Variants in PXDNL observed in about 807,000 individuals in gnomAD.
The protein encoded by PXDNL is peroxidasin like, also known as probable oxidoreductase PXDNL.
Under a neutral mutation model 150.8 loss-of-function variants are expected in PXDNL, and 145 were observed. That is an observed-to-expected ratio of 0.96 (90% CI 0.84 to 1.10). The LOEUF (loss-of-function observed/expected upper bound fraction) is 1.10, where lower values mean the gene tolerates loss of function less well. PXDNL is among the 50% of genes least tolerant of loss of function. The pLI, the probability that PXDNL is intolerant of heterozygous loss-of-function variation, is 0.00. For missense variants in PXDNL, 2,087 were observed against 1,873.9 expected (o/e 1.11, Z -2.10); for synonymous variants, 757 against 725.7 (o/e 1.04, Z -0.69).
At chr8:51,599,032 C>T (rs551565259) in intron 2 of PXDNL, among the ~76,000 whole-genome samples, 6 of 152,164 alleles carry the variant, frequency 3.9e-5, no homozygotes, top group African/African-American at 1.4e-4. Context: ...TAGAGGTGTT[C>T]ATAACAGTCT....
chr8:51,348,997 T>C (rs1458643068), intron 19 of PXDNL, among the ~76,000 whole-genome samples: 1 of 152,168 alleles, frequency 6.6e-6, no homozygotes, highest in Non-Finnish European at 1.5e-5. Context: ...ATGAGTCTAG[T>C]GTGGAAAGTA....
At chr8:51,501,271 C>T (rs1811170107) in intron 4 of PXDNL, among the ~76,000 whole-genome samples, 1 of 152,080 alleles carries the variant, frequency 6.6e-6, no homozygotes, top group Admixed American at 6.6e-5. Flanking sequence ...GAATTATACA[C>T]ACACTCACAC....
At position 51,496,966 on chromosome 8, in the gene PXDNL, CG is replaced by C. The variant is rs1012062080; in HGVS notation, c.452+2732del. ...GTTCATATAGAACCAAAAAAGAGCC[CG>C]GATTGCCAAGTCAATCCTAAGCCAA... On this transcript the variant is annotated intron_variant, in intron 5 of 22. Transcript: ENST00000356297. 4.6e-5 allele frequency among the ~76,000 whole-genome samples: 7 copies of C among 152,182 alleles called. No homozygotes were observed. The East Asian group carries it at 5.8e-4, about 13-fold the overall frequency.
Position 51,457,487 on chromosome 8 carries a change from A to G in PXDNL, c.982+11T>C, listed in dbSNP as rs767633106. 2 of 1,597,116 alleles carry G rather than the reference A, an allele frequency of 1.3e-6. No individual in the cohort carries two copies. Among genetic ancestry groups the G allele is most frequent in the East Asian group, 4.5e-5 (2 of 44,560 alleles). On this transcript the variant is annotated intron_variant, in intron 9 of 22. Coordinates refer to ENST00000356297, the MANE Select transcript of PXDNL (RefSeq NM_144651.5). ...CAGATAATTGATAGAACTAGAAAAT[A>G]ATAGTTTTACCTGGAAGACTGGAGT... is the stretch of plus-strand genomic sequence containing the variant.
rs201988739 is a variant in PXDNL at position 51,411,790 on chromosome 8, TTC to T, written c.1905-385_1905-384del. Among the ~76,000 whole-genome samples, 1,107 of 152,234 alleles carry T rather than the reference TTC, an allele frequency of 7.3e-3. 17 individuals are homozygous for T. Among genetic ancestry groups the T allele is most frequent in the Middle Eastern group, 0.01 (3 of 294 alleles). On this transcript the variant is annotated intron_variant, in intron 15 of 22. Transcript: ENST00000356297. ...TCTGCAGGACTTGGCATTTTGTGTCTTCTCTTTCCCTGAGTGTAATCTCCTAG... is the reference window on the plus strand; with the variant it reads ...TCTGCAGGACTTGGCATTTTGTGTCTTCTTTCCCTGAGTGTAATCTCCTAG...
intron 17 of PXDNL, among the ~76,000 whole-genome samples, chr8:51,376,727 T>C (rs573715756): frequency 4.5e-4 from 60 of 134,506 alleles, no homozygotes; most frequent in Non-Finnish European, 6.1e-4. Context: ...CTCTCTCTCT[T>C]TTTTTTTTTT....
At chr8:51,643,572 C>T (rs969640528) in intron 2 of PXDNL, among the ~76,000 whole-genome samples, 3 of 152,168 alleles carry the variant, frequency 2.0e-5, no homozygotes, top group Non-Finnish European at 2.9e-5. Context: ...AAATGTTAGA[C>T]CTAAAACCAT....
intron 3 of PXDNL, among the ~76,000 whole-genome samples, chr8:51,579,014 AAGTT>A (rs1181997853): frequency 6.6e-6 from 1 of 152,048 alleles, no homozygotes; most frequent in Non-Finnish European, 1.5e-5. Context: ...TTAAGAAAAA[AAGTT>A]AGGAGAAAAT....
intron 19 of PXDNL, among the ~76,000 whole-genome samples, chr8:51,369,497 C>T (rs557337484): frequency 2.1e-4 from 32 of 152,258 alleles, no homozygotes; most frequent in African/African-American, 7.7e-4. Flanking sequence ...AAAATCCACG[C>T]TTGTTAGTCA....
In PXDNL at chr8:51,381,446, A is replaced by C. The variant is rs368629431; in HGVS notation, c.3558-6715T>G. 4.0e-4 allele frequency among the ~76,000 whole-genome samples: 61 copies of C among 152,238 alleles called. 1 individual carries two copies. In the South Asian group the frequency reaches 4.1e-3, roughly 10 times the overall value. ...CAATATTTTGTTAGGTAAGAACTAA[A>C]TTTTAATTATTGCTATGAGTTGAGT... is the stretch of plus-strand genomic sequence containing the variant. On this transcript the variant is annotated intron_variant, in intron 17 of 22. Coordinates refer to ENST00000356297, the MANE Select transcript of PXDNL (RefSeq NM_144651.5).
intron 5 of PXDNL, 126 bp from the exon 6 acceptor site, chr8:51,483,840 A>C: frequency 1.6e-6 from 1 of 616,620 alleles, no homozygotes; most frequent in South Asian, 2.0e-5. Flanking sequence ...AAGGGCAAAC[A>C]GAAGTCAGAG....
At chr8:51,609,115 G>C (rs1480586260) in intron 2 of PXDNL, among the ~76,000 whole-genome samples, 1 of 152,134 alleles carries the variant, frequency 6.6e-6, no homozygotes, top group African/African-American at 2.4e-5. Flanking sequence ...TTGAAAGAGA[G>C]ACTCCAATGC....
chr8:51,655,254 A>G (rs1585652167), intron 1 of PXDNL, among the ~76,000 whole-genome samples: 1 of 152,236 alleles, frequency 6.6e-6, no homozygotes, highest in Admixed American at 6.5e-5. Context: ...AATCAACAGA[A>G]CAATTAGTTT....
At chr8:51,496,048 C>T (rs1811040331) in intron 5 of PXDNL, among the ~76,000 whole-genome samples, 1 of 152,244 alleles carries the variant, frequency 6.6e-6, no homozygotes, top group East Asian at 1.9e-4. Context: ...ACTGGCAAAC[C>T]GAATCCAGCA....
intron 1 of PXDNL, among the ~76,000 whole-genome samples, chr8:51,668,322 G>C (rs538924245): frequency 8.7e-4 from 132 of 151,686 alleles, no homozygotes; most frequent in Middle Eastern, 3.4e-3. Context: ...CTACAGGCGA[G>C]CACCACCACA....
At chr8:51,615,263 A>G (rs542494270) in intron 2 of PXDNL, among the ~76,000 whole-genome samples, 5 of 151,278 alleles carry the variant, frequency 3.3e-5, no homozygotes, top group African/African-American at 1.2e-4. Context: ...AATCCTTACA[A>G]TTTTTTTCTA....
chr8:51,601,083 A>T (rs1813711380), intron 2 of PXDNL, among the ~76,000 whole-genome samples: 1 of 149,714 alleles, frequency 6.7e-6, no homozygotes, highest in South Asian at 2.1e-4. Flanking sequence ...TAATAAAGTT[A>T]TATCTTGGTA....
chr8:51,473,779 G>A (rs1489022637), intron 7 of PXDNL, among the ~76,000 whole-genome samples: 2 of 151,634 alleles, frequency 1.3e-5, no homozygotes, highest in African/African-American at 4.8e-5. Context: ...AGTGACTGGA[G>A]GAGCAGAGTG....
chr8:51,713,022 A>T (rs1484313644), intron 1 of PXDNL, among the ~76,000 whole-genome samples: 1 of 152,220 alleles, frequency 6.6e-6, no homozygotes, highest in Non-Finnish European at 1.5e-5. Context: ...TAATTTTAAG[A>T]TTATTTTTAT....
Sources: allele counts gnomAD v4.1 joint callset (sites outside exome capture counted in the v4.1 genomes callset), GRCh38; gene constraint gnomAD v4.1.1; transcripts MANE v1.5; gene names NCBI Gene and HGNC (gene_info 2026-07-23, HGNC 2026-07-21).